PHF8: variants seen among roughly 807,000 people sequenced by gnomAD.
PHF8 encodes PHD finger protein 8.
Under a neutral mutation model 74.4 loss-of-function variants are expected in PHF8, and 9 were observed. The observed-to-expected ratio is 0.12, with a 90% CI of 0.07 to 0.21. The LOEUF (loss-of-function observed/expected upper bound fraction) is 0.21, where lower values mean the gene tolerates loss of function less well. Ranked by LOEUF, PHF8 falls within the 10% of genes least tolerant of loss-of-function variation. The pLI is 1.00. For missense variants in PHF8, 478 were observed against 816.6 expected, an observed-to-expected ratio of 0.59 and a Z score of 5.05; for synonymous variants, 311 against 316.6, an observed-to-expected ratio of 0.98 and a Z score of 0.19.
intron 14 of PHF8, among the ~76,000 whole-genome samples, chrX:53,989,622 C>T (rs1557100795): frequency 8.9e-6 from 1 of 112,009 alleles, no homozygotes; most frequent in East Asian, 2.8e-4. Context: ...TCCTGTTACA[C>T]ATAGTAGACG....
At chrX:54,010,465 A>G (rs2065967296) in intron 8 of PHF8, among the ~76,000 whole-genome samples, 1 of 112,523 alleles carries the variant, frequency 8.9e-6, no homozygotes, top group Admixed American at 9.4e-5. Context: ...GATTTTTTAA[A>G]TTGAATGTTA....
intron 18 of PHF8, among the ~76,000 whole-genome samples, chrX:53,970,486 CACACGTA>C (rs2065275643): frequency 9.0e-6 from 1 of 111,469 alleles, no homozygotes; most frequent in Non-Finnish European, 1.9e-5. Flanking sequence ...GGATTAAATT[CACACGTA>C]ACAATATTAA....
rs781867254 is a variant in PHF8 at position 53,995,904 on chromosome X, T to C, written c.1234-122A>G. ...TTTTCAACAAATGATTCTGGACCAA[T>C]TGGATATCCACATGCAAAAAAAAAA... On this transcript the variant is annotated intron_variant, in intron 11 of 21. Coordinates refer to ENST00000338154, the MANE Select transcript of PHF8 (RefSeq NM_015107.3). The C allele has an allele frequency of 9.3e-5, 41 of 440,948 alleles. No homozygotes were observed. The highest frequency in any genetic ancestry group is 2.2e-4 in the South Asian group (6 of 27,516). 36.3% of individuals were successfully genotyped at this position (440,948 alleles called of 1,213,427 possible).
At chrX:54,022,893 A>T in intron 2 of PHF8, 50 bp from the exon 3 acceptor site, 3 of 801,864 alleles carry the variant, frequency 3.7e-6, no homozygotes, top group African/African-American at 2.0e-5. Flanking sequence ...ATTTTTTATG[A>T]GGTCTAGAAC....
intron 18 of PHF8, 129 bp downstream of exon 18, chrX:53,984,785 G>T: frequency 1.7e-6 from 1 of 579,726 alleles, no homozygotes. Context: ...ATATGGCTTA[G>T]AGAAACTAAG....
At chrX:54,018,310 A>G (rs1415832877) in intron 4 of PHF8, among the ~76,000 whole-genome samples, 2 of 111,373 alleles carry the variant, frequency 1.8e-5, no homozygotes, top group Non-Finnish European at 3.8e-5. Context: ...ATTCAAAATT[A>G]GCAGGGCATG....
intron 2 of PHF8, among the ~76,000 whole-genome samples, chrX:54,024,802 C>T (rs1255024142): frequency 3.6e-5 from 4 of 111,971 alleles, no homozygotes; most frequent in African/African-American, 9.7e-5. Context: ...ATTTTATATC[C>T]GTTCAATCTA....
chrX:53,955,216 T>A (rs1453294404), intron 19 of PHF8, among the ~76,000 whole-genome samples: 1 of 111,360 alleles, frequency 9.0e-6, no homozygotes, highest in Non-Finnish European at 1.9e-5. Flanking sequence ...CATTTTCTGA[T>A]ATTACATAAT....
intron 18 of PHF8, among the ~76,000 whole-genome samples, chrX:53,984,307 A>G (rs1557098838): frequency 8.9e-6 from 1 of 111,972 alleles, no homozygotes; most frequent in East Asian, 2.8e-4. Context: ...CGGAGGTGGC[A>G]GTGAGCTGAG....
chrX:53,939,045 G>A lies in PHF8; in HGVS notation c.*113C>T. The A allele has an allele frequency of 1.8e-6, 2 of 1,122,860 alleles. No individual in the cohort carries two copies. Among genetic ancestry groups the A allele is most frequent in the East Asian group, 6.2e-5 (2 of 32,099 alleles). The allele number at this position is 1,122,860 out of a possible 1,213,427, so 92.5% of individuals were successfully genotyped here. On this transcript the variant is annotated 3_prime_UTR_variant, in exon 22 of 22. Coordinates refer to ENST00000338154, the MANE Select transcript of PHF8 (RefSeq NM_015107.3). ...CCTTTGGTAAGTCCCAAGAAAGCAG[G>A]ACAATGCACCTCAGCACCTTGTCCA...
At position 54,011,150 on chromosome X, in the gene PHF8, C is replaced by T; in HGVS notation, c.918G>A (p.Lys306=). ...TGGGAATGAAAAGTGTCTGTCCTTGCTTCACGGAACACTTGTAGCACTTGT... is the reference window on the plus strand; with the variant it reads ...TGGGAATGAAAAGTGTCTGTCCTTGTTTCACGGAACACTTGTAGCACTTGT... ...QVDKCYKCSV[K]QGQTLFIPTG... The change falls in exon 8 of 22, where the codon AAG becomes AAA. Residue 306 remains lysine, a synonymous_variant. Transcript: ENST00000338154. 1.7e-6 allele frequency: 2 copies of T among 1,210,900 alleles called. No individual in the cohort carries two copies. Among genetic ancestry groups the T allele is most frequent in the Non-Finnish European group, 2.2e-6 (2 of 894,623 alleles).
rs1557082248 is a variant in PHF8, at chrX:53,937,934, G to C, written c.*1224C>G. ...TGTCTGGACAATGGAGACAATCCACGAAGGAAGGACAGGGGAAGGGGAGGA... is the reference window on the plus strand; with the variant it reads ...TGTCTGGACAATGGAGACAATCCACCAAGGAAGGACAGGGGAAGGGGAGGA... On this transcript the variant is annotated 3_prime_UTR_variant, in exon 22 of 22. Transcript: ENST00000338154. 6.6e-6 allele frequency: 7 copies of C among 1,067,157 alleles called. No homozygotes were observed. The highest frequency in any genetic ancestry group is 8.9e-6 in the Non-Finnish European group (7 of 783,632). The allele number at this position is 1,067,157 out of a possible 1,213,427, so 87.9% of individuals were successfully genotyped here.
intron 3 of PHF8, 132 bp downstream of exon 3, chrX:54,022,626 G>A: frequency 1.8e-5 from 9 of 512,535 alleles, no homozygotes; most frequent in African/African-American, 6.9e-5. Context: ...TGTGGAGCCT[G>A]CATAGGCTTC....
chrX:54,037,094 G>A (rs2066476515), intron 2 of PHF8, among the ~76,000 whole-genome samples: 1 of 109,591 alleles, frequency 9.1e-6, no homozygotes, highest in Non-Finnish European at 1.9e-5. Flanking sequence ...ACCAAAGGAG[G>A]AAAAAAATAG....
At chrX:54,010,854 TAG>T (rs2065972444) in intron 8 of PHF8, among the ~76,000 whole-genome samples, 1 of 111,033 alleles carries the variant, frequency 9.0e-6, no homozygotes, top group Non-Finnish European at 1.9e-5. Context: ...TTACGGGGCT[TAG>T]AGTCATGTTC....
intron 12 of PHF8, 70 bp downstream of exon 12, chrX:53,995,623 A>G (rs1262679481): frequency 1.5e-6 from 1 of 652,593 alleles, no homozygotes; most frequent in East Asian, 3.2e-5. Context: ...CTAACTGCAG[A>G]GGCCTAACCT....
At chrX:53,974,198 G>A (rs1394988728) in intron 18 of PHF8, among the ~76,000 whole-genome samples, 2 of 110,686 alleles carry the variant, frequency 1.8e-5, no homozygotes, top group Non-Finnish European at 3.8e-5. Context: ...CCCGGGAGGC[G>A]GAGCTTGCAG....
chrX:54,044,241 A>T lies in PHF8; in HGVS notation c.-572T>A. On this transcript the variant is annotated 5_prime_UTR_variant, in exon 1 of 22. Transcript: ENST00000338154. ...GATACTCGCGAGCAAACCAACGGGGAAAGAGATGAACCGGCCGCCACGTCC... is the reference window on the plus strand; with the variant it reads ...GATACTCGCGAGCAAACCAACGGGGTAAGAGATGAACCGGCCGCCACGTCC... The T allele has an allele frequency of 1.3e-6, 1 of 754,947 alleles. No individual in the cohort carries two copies. Among genetic ancestry groups the T allele is most frequent in the Non-Finnish European group, 1.6e-6 (1 of 639,396 alleles). The allele number at this position is 754,947 out of a possible 1,213,427, so 62.2% of individuals were successfully genotyped here.
chrX:54,032,117 G>A (rs2066369046), intron 2 of PHF8, among the ~76,000 whole-genome samples: 1 of 111,498 alleles, frequency 9.0e-6, no homozygotes, highest in Non-Finnish European at 1.9e-5. Context: ...AAAAGCTTCT[G>A]TGGCTCCCAT....
Sources: gnomAD v4.1 joint callset for allele counts (sites outside exome capture counted in the v4.1 genomes callset) on GRCh38, gnomAD v4.1.1 for gene constraint, MANE v1.5 for transcripts, NCBI Gene and HGNC (gene_info 2026-07-23, HGNC 2026-07-21) for gene names.